RHOT1: variants seen among roughly 807,000 people sequenced by gnomAD.
RHOT1 encodes ras homolog family member T1, also known as mitochondrial Rho GTPase 1.
RHOT1 carries 27 observed loss-of-function variants against 95.3 expected under a neutral mutation model. The observed-to-expected ratio is 0.28, with a 90% CI of 0.21 to 0.39. RHOT1 has a LOEUF of 0.39. Ranked by LOEUF, RHOT1 falls within the 10% of genes least tolerant of loss-of-function variation. RHOT1 has a pLI of 1.00. For missense variants in RHOT1, 578 were observed against 786.7 expected, an observed-to-expected ratio of 0.73 and a Z score of 3.17; for synonymous variants, 227 against 263.5, an observed-to-expected ratio of 0.86 and a Z score of 1.34.
At chr17:32,190,652 ATG>A (rs2036422361) in intron 8 of RHOT1, among the ~76,000 whole-genome samples, 1 of 152,224 alleles carries the variant, frequency 6.6e-6, no homozygotes, top group South Asian at 2.1e-4. Flanking sequence ...AAATATAACA[ATG>A]TAGTTTTTAT....
chr17:32,206,893 T>G lies in RHOT1; in HGVS notation c.1417-17T>G, dbSNP rs1344615455. The G allele has an allele frequency of 6.6e-7, 1 of 1,519,244 alleles. No individual in the cohort carries two copies. The highest frequency in any genetic ancestry group is 9.1e-7 in the Non-Finnish European group (1 of 1,101,570). 94.1% of individuals were successfully genotyped at this position (1,519,244 alleles called of 1,614,324 possible). A position where few individuals can be genotyped will look rare whatever the true frequency, so the allele number is the denominator to read the frequency against. On this transcript the variant is annotated splice_polypyrimidine_tract_variant and intron_variant, in intron 16 of 19. Coordinates refer to ENST00000545287, the MANE Select transcript of RHOT1 (RefSeq NM_001033566.3). Reference sequence around the variant, plus strand: ...ATTATGATACTTATATTTTTCATTATCTTTTTCTTTTACAAGTTGCATGAT... The same window carrying G: ...ATTATGATACTTATATTTTTCATTAGCTTTTTCTTTTACAAGTTGCATGAT...
Position 32,224,688 on chromosome 17 carries a change from A to G in RHOT1, c.1935A>G (p.Ala645=), listed in dbSNP as rs58010811. The G allele has an allele frequency of 6.2e-3, 9,958 of 1,613,568 alleles. 524 individuals are homozygous for G. The African/African-American group carries it at 0.12, about 19-fold the overall frequency. ...LRASFGATVF[A]VLGFAMYKAL... Reference sequence around the variant, plus strand: ...CAAGTTTTGGTGCTACTGTTTTTGCAGTTTTGGGCTTTGCTATGTACAAAG... The same window carrying G: ...CAAGTTTTGGTGCTACTGTTTTTGCGGTTTTGGGCTTTGCTATGTACAAAG... Residue 645 remains alanine (A), a synonymous_variant, in exon 20 of 20, where the codon GCA becomes GCG. Transcript: ENST00000545287.
At chr17:32,212,706 TTC>T (rs1331206557) in intron 19 of RHOT1, among the ~76,000 whole-genome samples, 1 of 152,146 alleles carries the variant, frequency 6.6e-6, no homozygotes, top group East Asian at 1.9e-4. Context: ...CCCTATAACT[TTC>T]TCTCTTTAGT....
intron 15 of RHOT1, 46 bp downstream of exon 15, chr17:32,202,946 G>A (rs771596213): frequency 6.3e-7 from 1 of 1,579,122 alleles, no homozygotes. Flanking sequence ...AATTTTTATA[G>A]TTACTAGTTT....
intron 1 of RHOT1, among the ~76,000 whole-genome samples, chr17:32,164,109 C>T (rs774847094): frequency 3.3e-5 from 5 of 152,076 alleles, no homozygotes; most frequent in African/African-American, 7.2e-5. Context: ...GAACCAAGAT[C>T]GCGCCACTGC....
intron 18 of RHOT1, chr17:32,209,162 G>T: frequency 2.9e-6 from 1 of 350,618 alleles, no homozygotes; most frequent in Non-Finnish European, 5.2e-6. Flanking sequence ...AAAAGGTGTT[G>T]ATTTGTACAG....
intron 19 of RHOT1, among the ~76,000 whole-genome samples, chr17:32,220,107 T>G (rs993745957): frequency 2.0e-5 from 3 of 152,214 alleles, no homozygotes; most frequent in South Asian, 4.1e-4. Flanking sequence ...AGGTTGGGCA[T>G]GGTGGCTTAT....
chr17:32,190,061 A>C (rs1419215526), intron 8 of RHOT1, among the ~76,000 whole-genome samples: 1 of 152,164 alleles, frequency 6.6e-6, no homozygotes, highest in Admixed American at 6.6e-5. Context: ...ACTTTTTAGT[A>C]GTCCTTTTTT....
intron 2 of RHOT1, among the ~76,000 whole-genome samples, chr17:32,173,381 A>G (rs1045784070): frequency 3.3e-5 from 5 of 152,178 alleles, no homozygotes; most frequent in Non-Finnish European, 5.9e-5. Context: ...TCCTTTGAGT[A>G]TCATGTTAGT....
intron 3 of RHOT1, 117 bp from the exon 4 acceptor site, chr17:32,175,202 T>C: frequency 1.2e-6 from 1 of 864,130 alleles, no homozygotes; most frequent in Non-Finnish European, 1.9e-6. Context: ...TCCCTTGTGT[T>C]TGCTACACCA....
rs763733337 is a variant in RHOT1 at position 32,200,940 on chromosome 17, C to T, written c.1101-16C>T. The T allele has an allele frequency of 1.5e-4, 237 of 1,578,516 alleles. 2 individuals carry two copies. In the South Asian group the frequency reaches 2.2e-3, roughly 14 times the overall value. On this transcript the variant is annotated splice_polypyrimidine_tract_variant and intron_variant, in intron 13 of 19. Transcript: ENST00000545287. ...GTTTAGGAACTTTTCACATTTTAAA[C>T]TCTTTTCTTTCATAGGCTCACGACT...
At chr17:32,190,967 G>C (rs1012165620) in intron 8 of RHOT1, among the ~76,000 whole-genome samples, 2 of 152,072 alleles carry the variant, frequency 1.3e-5, no homozygotes, top group African/African-American at 4.8e-5. Flanking sequence ...GCTAACTTTT[G>C]TATTTTTAGT....
At chr17:32,180,464 C>T (rs1434986849) in intron 6 of RHOT1, among the ~76,000 whole-genome samples, 2 of 151,690 alleles carry the variant, frequency 1.3e-5, no homozygotes, top group African/African-American at 2.4e-5. Context: ...GCAGCATGCT[C>T]GTTAAGAGTC....
At chr17:32,191,087 G>C (rs548858583) in intron 8 of RHOT1, among the ~76,000 whole-genome samples, 4 of 152,000 alleles carry the variant, frequency 2.6e-5, no homozygotes, top group African/African-American at 9.7e-5. Flanking sequence ...GAGCCACCGC[G>C]CCCAGCCTCA....
chr17:32,146,694 A>C (rs1489002596), intron 1 of RHOT1, among the ~76,000 whole-genome samples: 1 of 144,560 alleles, frequency 6.9e-6, no homozygotes, highest in Non-Finnish European at 1.5e-5. Flanking sequence ...TCCTGACTTC[A>C]TGATCTGCCT....
chr17:32,195,121 G>A (rs549128774), intron 11 of RHOT1, among the ~76,000 whole-genome samples: 2 of 151,322 alleles, frequency 1.3e-5, no homozygotes, highest in African/African-American at 4.8e-5. Context: ...CACTGCACCC[G>A]GCCTTTTTTT....
chr17:32,149,621 ATATATATATATATATGTG>A (rs1370224525), intron 1 of RHOT1, among the ~76,000 whole-genome samples: 1 of 84,404 alleles, frequency 1.2e-5, no homozygotes, highest in Non-Finnish European at 2.2e-5. Flanking sequence ...ATATATATAT[ATATATATATATATATGTG>A]TGTGTGTGTG....
intron 19 of RHOT1, among the ~76,000 whole-genome samples, chr17:32,216,608 T>G (rs1478290922): frequency 6.6e-6 from 1 of 152,166 alleles, no homozygotes; most frequent in Non-Finnish European, 1.5e-5. Context: ...TATGTGTGAC[T>G]TTTAAGCCAC....
chr17:32,214,749 G>A (rs1428345573), intron 19 of RHOT1, among the ~76,000 whole-genome samples: 2 of 151,638 alleles, frequency 1.3e-5, no homozygotes, highest in African/African-American at 4.9e-5. Flanking sequence ...CTAAGTAAAA[G>A]TCATTTAAAA....
Sources: allele counts gnomAD v4.1 joint callset (sites outside exome capture counted in the v4.1 genomes callset), GRCh38; gene constraint gnomAD v4.1.1; transcripts MANE v1.5; gene names NCBI Gene and HGNC (gene_info 2026-07-23, HGNC 2026-07-21).